ASXL2: variants seen among roughly 807,000 people sequenced by gnomAD.
ASXL2 encodes putative Polycomb group protein ASXL2.
Under a neutral mutation model 122.0 loss-of-function variants are expected in ASXL2, and 23 were observed. The ratio of observed to expected loss-of-function variants is 0.19; its 90% CI spans 0.14 to 0.27. ASXL2 has a LOEUF of 0.27. Ranked by LOEUF, ASXL2 falls within the 10% of genes least tolerant of loss-of-function variation. The pLI, the probability that ASXL2 is intolerant of heterozygous loss-of-function variation, is 1.00. For missense variants in ASXL2, 1,518 were observed against 1,713.8 expected, an observed-to-expected ratio of 0.89 and a Z score of 2.02; for synonymous variants, 650 against 637.0, an observed-to-expected ratio of 1.02 and a Z score of -0.31.
intron 1 of ASXL2, among the ~76,000 whole-genome samples, chr2:25,857,226 C>CA (rs1384970949): frequency 6.6e-6 from 1 of 151,888 alleles, no homozygotes; most frequent in Non-Finnish European, 1.5e-5. Context: ...AAAGAGAACA[C>CA]AGAGAAAAAG....
intron 3 of ASXL2, among the ~76,000 whole-genome samples, chr2:25,830,121 T>C (rs1401603752): frequency 6.6e-6 from 1 of 152,190 alleles, no homozygotes; most frequent in Non-Finnish European, 1.5e-5. Context: ...GCAAAGGATC[T>C]GAAAATTAAA....
Position 25,831,381 on chromosome 2 carries a change from C to A in ASXL2, c.143+4157G>T, listed in dbSNP as rs189783595. ...ATTTGGTTAAAGAAATAAACACAGGCCAGGCACAATGGCACAGGCCTGTAA... is the reference window on the plus strand; with the variant it reads ...ATTTGGTTAAAGAAATAAACACAGGACAGGCACAATGGCACAGGCCTGTAA... On this transcript the variant is annotated intron_variant, in intron 3 of 12. Transcript: ENST00000435504. 6.5e-3 allele frequency among the ~76,000 whole-genome samples: 989 copies of A among 152,026 alleles called. 6 individuals carry two copies. Among genetic ancestry groups the A allele is most frequent in the Non-Finnish European group, 0.01 (684 of 67,992 alleles).
In ASXL2 at chr2:25,744,019, AGTT is replaced by A; in HGVS notation, c.2315_2317del (p.Gln772del). The A allele has an allele frequency of 1.2e-6, 2 of 1,613,964 alleles. No individual in the cohort carries two copies. The highest frequency in any genetic ancestry group is 1.7e-6 in the Non-Finnish European group (2 of 1,179,874). ...TGGAGGCACTGGGGGGGTTTGCTGT[AGTT>A]GTGCTCCAGAGACACTATGAGGCTG... On this transcript the variant is annotated inframe_deletion, in exon 13 of 13. Coordinates refer to ENST00000435504, the MANE Select transcript of ASXL2 (RefSeq NM_018263.6). The surrounding 1 kb of genome is among the most constrained non-coding windows in gnomAD (Gnocchi z 4.7).
Position 25,768,841 on chromosome 2 carries a change from G to T in ASXL2, c.532C>A (p.Gln178Lys). 1 of 1,613,614 alleles carries T rather than the reference G, an allele frequency of 6.2e-7. No homozygotes were observed. The change falls in exon 7 of 13, where the codon CAG becomes AAG. Residue 178 changes from glutamine to lysine, a missense_variant. Gln to Lys is a moderately conservative substitution (Grantham distance 53). Transcript: ENST00000435504. ...ATGCTTGGCCTGCATTGCTGCTGCT[G>T]CTTCTTCTGCTGTTGCTGCTTTAGC... ...QALKQQQQKK[Q>K]QQQCRPSISI... is the part of the protein sequence containing the mutation.
At chr2:25,856,948 C>T in intron 1 of ASXL2, 1 of 531,596 alleles carries the variant, frequency 1.9e-6, no homozygotes, top group Non-Finnish European at 3.5e-6. Flanking sequence ...ATTTTTAATA[C>T]TACATAGGCT....
At chr2:25,876,195 C>T (rs1574459578) in intron 1 of ASXL2, among the ~76,000 whole-genome samples, 2 of 152,288 alleles carry the variant, frequency 1.3e-5, no homozygotes, top group African/African-American at 4.8e-5. Context: ...TATACTGGTA[C>T]CCTCAGGAAC....
intron 3 of ASXL2, among the ~76,000 whole-genome samples, chr2:25,828,384 T>C (rs2089404148): frequency 6.6e-6 from 1 of 150,996 alleles, no homozygotes; most frequent in East Asian, 1.9e-4. Flanking sequence ...CGCATGCCTG[T>C]AATCCCAGTT....
chr2:25,761,516 T>C (rs1232985572), intron 8 of ASXL2, among the ~76,000 whole-genome samples: 6 of 151,234 alleles, frequency 4.0e-5, no homozygotes, highest in Admixed American at 6.6e-5. Flanking sequence ...CTACTAAAAA[T>C]AGAAAAATCA....
At chr2:25,790,196 T>C (rs1013677030) in intron 5 of ASXL2, among the ~76,000 whole-genome samples, 3 of 152,028 alleles carry the variant, frequency 2.0e-5, no homozygotes, top group East Asian at 1.9e-4. Context: ...TCATAGAAAT[T>C]TGACATTGCT....
chr2:25,823,021 T>A (rs1168503575), intron 3 of ASXL2: 2 of 499,136 alleles, frequency 4.0e-6, no homozygotes, highest in Non-Finnish European at 8.0e-6. Flanking sequence ...ATTGAGAGAA[T>A]TCCTAAGTTG....
At chr2:25,800,814 T>G (rs879576977) in intron 4 of ASXL2, among the ~76,000 whole-genome samples, 1 of 152,226 alleles carries the variant, frequency 6.6e-6, no homozygotes, top group Non-Finnish European at 1.5e-5. Flanking sequence ...CTAATAAATG[T>G]AAAATGCTTA....
intron 5 of ASXL2, among the ~76,000 whole-genome samples, chr2:25,798,453 T>C (rs543025224): frequency 6.6e-6 from 1 of 152,150 alleles, no homozygotes; most frequent in Non-Finnish European, 1.5e-5. Flanking sequence ...GGTCAAACTA[T>C]GGAAACATTA....
intron 1 of ASXL2, among the ~76,000 whole-genome samples, chr2:25,852,956 G>C (rs1319287220): frequency 6.6e-6 from 1 of 152,144 alleles, no homozygotes; most frequent in Non-Finnish European, 1.5e-5. Flanking sequence ...GTAGTAATAG[G>C]GGATTAAAAC....
At position 25,786,243 on chromosome 2, in the gene ASXL2, C is replaced by CTTTTTTTTTTT. The variant is rs370316025; in HGVS notation, c.403+13131_403+13141dup. Among the ~76,000 whole-genome samples the CTTTTTTTTTTT allele has an allele frequency of 3.4e-4, 38 of 112,404 alleles. 4 individuals are homozygous for CTTTTTTTTTTT. The highest frequency in any genetic ancestry group is 2.0e-3 in the East Asian group (5 of 2,536). The allele number at this position is 112,404 out of a possible 152,430, so 73.7% of individuals were successfully genotyped here. A position where few individuals can be genotyped will look rare whatever the true frequency, so the allele number is the denominator to read the frequency against. On this transcript the variant is annotated intron_variant, in intron 5 of 12. Transcript: ENST00000435504. ...AAACAACCTACTACTCCACATCATT[C>CTTTTTTTTTTT]TTTTTTTTTTTTTTTTGAGATGGAG...
At chr2:25,866,127 CTTTT>C (rs1190287421) in intron 1 of ASXL2, among the ~76,000 whole-genome samples, 2 of 150,260 alleles carry the variant, frequency 1.3e-5, no homozygotes, top group African/African-American at 4.9e-5. Flanking sequence ...CTTCAATTTT[CTTTT>C]TTCTTTTTTT....
In ASXL2 at chr2:25,771,364, T is replaced by TA. The variant is rs1247579185; in HGVS notation, c.504+75dup. ...CCCAATGTAAAAAATTTTCAAAAAA[T>TA]ATCCGATGACTGCCAGAGGTGTGCG... On this transcript the variant is annotated intron_variant, in intron 6 of 12. Coordinates refer to ENST00000435504, the MANE Select transcript of ASXL2 (RefSeq NM_018263.6). 3.7e-5 allele frequency: 50 copies of TA among 1,352,484 alleles called. No individual in the cohort carries two copies. In the Admixed American group the frequency reaches 1.3e-3, roughly 36 times the overall value. 83.8% of individuals were successfully genotyped at this position (1,352,484 alleles called of 1,614,324 possible).
At chr2:25,847,142 C>T (rs2089659134) in intron 1 of ASXL2, among the ~76,000 whole-genome samples, 1 of 152,106 alleles carries the variant, frequency 6.6e-6, no homozygotes, top group African/African-American at 2.4e-5. Flanking sequence ...TAAGTGGCGC[C>T]AAAATTCAAA....
Position 25,750,112 on chromosome 2 carries a change from A to G in ASXL2, c.1444T>C (p.Cys482Arg). ...TCCAAGAGATCCTCATCCTTTGGGC[A>G]CTTGATGGGAAGAATGCTGCTAAGC... is the stretch of plus-strand genomic sequence containing the variant. ...HELSSILPIK[C>R]PKDEDLLEQK... Residue 482 changes from cysteine (C) to arginine (R), a missense_variant, in exon 12 of 13, where the codon TGC (cysteine) becomes CGC (arginine). Transcript: ENST00000435504. 2.5e-6 allele frequency: 4 copies of G among 1,613,960 alleles called. No homozygotes were observed. Among genetic ancestry groups the G allele is most frequent in the Non-Finnish European group, 3.4e-6 (4 of 1,179,900 alleles).
Position 25,742,864 on chromosome 2 carries a change from G to A in ASXL2, c.3473C>T (p.Ala1158Val). ...ACAGTCTGTATATCCCATTTTCAAG[G>A]CTTCAGTGGGGCTGCTTAGACAAAA... ...DRFCLSSPTE[A>V]LKMGYTDCKN... is the part of the protein sequence containing the mutation. The change falls in exon 13 of 13, where the codon GCC becomes GTC. Residue 1158 changes from alanine to valine, a missense_variant. By Grantham distance (64) the Ala-to-Val change is moderately conservative (BLOSUM62 0). Transcript: ENST00000435504. The A allele has an allele frequency of 6.2e-7, 1 of 1,613,800 alleles. No individual in the cohort carries two copies.
Sources: gnomAD v4.1 joint callset for allele counts (sites outside exome capture counted in the v4.1 genomes callset) on GRCh38, gnomAD v4.1.1 for gene constraint, Gnocchi (gnomAD v3.1) non-coding constraint, MANE v1.5 for transcripts, NCBI Gene and HGNC (gene_info 2026-07-23, HGNC 2026-07-21) for gene names.